HGS: variants seen among roughly 807,000 people sequenced by gnomAD.
HGS encodes the protein human growth factor-regulated tyrosine kinase substrate.
In HGS, 63 loss-of-function variants were observed where a neutral mutation model predicts 109.7. That is an observed-to-expected ratio of 0.57 (90% CI 0.47 to 0.71). The LOEUF (loss-of-function observed/expected upper bound fraction) is 0.71, where lower values mean the gene tolerates loss of function less well. Among genes scored for constraint, HGS ranks in the 30% least tolerant of loss-of-function variants. The pLI, the probability that HGS is intolerant of heterozygous loss-of-function variation, is 0.00. For synonymous variants in HGS, 546 were observed against 437.3 expected, an observed-to-expected ratio of 1.25 and a Z score of -3.10; for missense variants, 995 against 1,068.3, an observed-to-expected ratio of 0.93 and a Z score of 0.96.
At chr17:81,697,452 T>G in intron 18 of HGS, 1 of 150,016 alleles carries the variant, frequency 6.7e-6, no homozygotes. Context: ...CGGCAGACCG[T>G]CCTCAGCTCA....
At chr17:81,688,927 T>C in intron 5 of HGS, 100 bp downstream of exon 5, 1 of 1,500,162 alleles carries the variant, frequency 6.7e-7, no homozygotes. Context: ...GATGGGTTGT[T>C]CCCTGTGTTG....
chr17:81,699,685 A>C (rs1312988882), intron 18 of HGS, among the ~76,000 whole-genome samples: 1 of 151,988 alleles, frequency 6.6e-6, no homozygotes. Context: ...CGGCCTCCCA[A>C]AGTGCTGGGA....
rs764424793 is a variant in HGS at position 81,693,676 on chromosome 17, C to A, written c.764C>A (p.Thr255Lys). The A allele has an allele frequency of 6.4e-7, 1 of 1,554,036 alleles. No individual in the cohort carries two copies. Among genetic ancestry groups the A allele is most frequent in the Non-Finnish European group, 8.7e-7 (1 of 1,148,092 alleles). ...CAGCTGCCCCCCAAGAGGGACGAGACGGCCCTGCAGGAGGAGGAGGAGCTG... is the reference window on the plus strand; with the variant it reads ...CAGCTGCCCCCCAAGAGGGACGAGAAGGCCCTGCAGGAGGAGGAGGAGCTG... ...QSQLPPKRDE[T>K]ALQEEEELQL... The change falls in exon 10 of 22, where the codon ACG becomes AAG. Residue 255 changes from threonine (T) to lysine (K), a missense_variant. Physicochemically the swap from Thr to Lys is moderately conservative, Grantham distance 78 (BLOSUM62 -1). Coordinates refer to ENST00000329138, the MANE Select transcript of HGS (RefSeq NM_004712.5).
chr17:81,686,283 C>G (rs768586823), intron 2 of HGS, 29 bp from the exon 3 acceptor site: 1 of 1,593,244 alleles, frequency 6.3e-7, no homozygotes, highest in Non-Finnish European at 8.6e-7. Context: ...TCCCGTTTTT[C>G]TCTGCTTTTA....
At chr17:81,684,456 C>CG (rs1454354963) in intron 1 of HGS, 2 of 250,020 alleles carry the variant, frequency 8.0e-6, no homozygotes, top group Non-Finnish European at 1.5e-5. Flanking sequence ...GTGGGTGACT[C>CG]AGTCGGATGT....
Position 81,695,167 on chromosome 17 carries a change from C to T in HGS, c.1123C>T (p.Pro375Ser). 3.7e-6 allele frequency: 6 copies of T among 1,614,170 alleles called. No individual in the cohort carries two copies. The highest frequency in any genetic ancestry group is 1.1e-5 in the South Asian group (1 of 91,072). ...HAAPTNVVEN[P>S]LPETDSQPIP... ...CCACTCATTCTCTCTCTTCCAGAAC[C>T]CCCTCCCGGAGACAGACTCTCAGCC... The change falls in exon 14 of 22, where the codon CCC (proline) becomes TCC (serine). Residue 375 changes from proline (P) to serine (S), a missense_variant. Physicochemically the swap from Pro to Ser is moderately conservative, Grantham distance 74. Around this residue, in one of 6 missense-constraint regions of HGS, gnomAD observed 300 missense variants for 235.4 expected, o/e 1.27. Transcript: ENST00000329138.
intron 4 of HGS, among the ~76,000 whole-genome samples, chr17:81,687,619 C>T (rs966225924): frequency 2.0e-5 from 3 of 152,300 alleles, no homozygotes; most frequent in Admixed American, 6.5e-5. Flanking sequence ...GAGGAAAAGC[C>T]CTCCAGATCC....
rs924796385 is a variant in HGS, at chr17:81,694,830, C to T, written c.952C>T (p.Leu318=). 3 of 1,614,268 alleles carry T rather than the reference C, an allele frequency of 1.9e-6. No individual in the cohort carries two copies. Among genetic ancestry groups the T allele is most frequent in the African/African-American group, 1.3e-5 (1 of 75,070 alleles). ...YSSPVNSSAP[L]AEDIDPELAR... is the part of the protein sequence containing the mutation. ...TTCTCCCCAGAACTCGTCGGCGCCT[C>T]TGGCTGAGGACATCGACCCTGAGGT... The change falls in exon 12 of 22, where the codon CTG becomes TTG. Residue 318 remains leucine, a synonymous_variant. Transcript: ENST00000329138.
chr17:81,695,678 G>A, intron 14 of HGS, 108 bp from the exon 15 acceptor site: 4 of 963,152 alleles, frequency 4.2e-6, no homozygotes, highest in South Asian at 4.1e-5. Flanking sequence ...AGGAGCAGAT[G>A]GACTCTGCTC....
Position 81,695,185 on chromosome 17 carries a change from T to C in HGS, c.1141T>C (p.Ser381Pro). 1.2e-6 allele frequency: 2 copies of C among 1,614,150 alleles called. No individual in the cohort carries two copies. Among genetic ancestry groups the C allele is most frequent in the Non-Finnish European group, 1.7e-6 (2 of 1,179,990 alleles). ...CCAGAACCCCCTCCCGGAGACAGAC[T>C]CTCAGCCCATTCCTCCCTCTGGTGG... ...VVENPLPETD[S>P]QPIPPSGGPF... is the part of the protein sequence containing the mutation. Residue 381 changes from serine to proline, a missense_variant, in exon 14 of 22, where the codon TCT becomes CCT. By Grantham distance (74) the Ser-to-Pro change is moderately conservative. Coordinates refer to ENST00000329138, the MANE Select transcript of HGS (RefSeq NM_004712.5).
At chr17:81,688,578 G>C (rs1323145218) in intron 4 of HGS, 126 bp from the exon 5 acceptor site, 2 of 1,214,652 alleles carry the variant, frequency 1.6e-6, no homozygotes, top group Admixed American at 4.3e-5. Flanking sequence ...CACTCGGGGG[G>C]CCCTCCCTGG....
chr17:81,691,599 C>T lies in HGS; in HGVS notation c.662+28C>T. On this transcript the variant is annotated intron_variant, in intron 8 of 21. Coordinates refer to ENST00000329138, the MANE Select transcript of HGS (RefSeq NM_004712.5). This position sits in a 1 kb window ranked among gnomAD's most constrained non-coding sequence, Gnocchi z 5.3. The stretch of plus-strand genomic sequence containing the variant: ...GAGTCCCCGCCCCCCATTTGGGCTG[C>T]AGGTGGGGCAGGCTCTCCAGGCTGG... 3 of 1,613,034 alleles carry T rather than the reference C, an allele frequency of 1.9e-6. No individual in the cohort carries two copies. The highest frequency in any genetic ancestry group is 1.7e-5 in the Admixed American group (1 of 59,998).
intron 3 of HGS, 79 bp from the exon 4 acceptor site, chr17:81,686,924 G>T: frequency 8.6e-7 from 1 of 1,158,698 alleles, no homozygotes. Flanking sequence ...CTGTCCCACA[G>T]GGAGGTGGGT....
Position 81,695,809 on chromosome 17 carries a change from TGAG to T in HGS, c.1207_1209del (p.Glu403del). ...AGCCACAGTTCCACAATGGCGAGTC[TGAG>T]GAGAGCCACGAGCAGTTCCTGAAGG... On this transcript the variant is annotated inframe_deletion, in exon 15 of 22. Transcript: ENST00000329138. The T allele has an allele frequency of 1.9e-6, 3 of 1,613,468 alleles. No homozygotes were observed. The South Asian group carries it at 3.3e-5, about 18-fold the overall frequency.
chr17:81,694,873 G>T lies in HGS; in HGVS notation c.975+20G>T, dbSNP rs770636418. 1.2e-6 allele frequency: 2 copies of T among 1,614,196 alleles called. No individual in the cohort carries two copies. The highest frequency in any genetic ancestry group is 1.7e-6 in the Non-Finnish European group (2 of 1,179,990). On this transcript the variant is annotated intron_variant, in intron 12 of 21. Transcript: ENST00000329138. ...CCTGAGGTAAGGCCCAGCATGGGGT[G>T]CATCCTCTCACGGTTTCTGGCCTTG...
chr17:81,693,627 C>T (rs760773656), intron 9 of HGS, 27 bp from the exon 10 acceptor site: 5 of 1,546,880 alleles, frequency 3.2e-6, no homozygotes, highest in Non-Finnish European at 3.5e-6. Flanking sequence ...CCCGGCGCCC[C>T]CCCTCACCCT....
chr17:81,693,433 G>A, intron 8 of HGS, 70 bp from the exon 9 acceptor site: 1 of 1,161,254 alleles, frequency 8.6e-7, no homozygotes, highest in Non-Finnish European at 1.3e-6. Flanking sequence ...GCAGAGGTGT[G>A]GTTGAGAGCT....
intron 4 of HGS, among the ~76,000 whole-genome samples, chr17:81,688,223 GGCT>G (rs1208286684): frequency 1.3e-5 from 2 of 152,170 alleles, no homozygotes; most frequent in African/African-American, 2.4e-5. Flanking sequence ...GGGAGAGGAT[GGCT>G]GCAGGGGGTC....
rs757449821 is a variant in HGS, at chr17:81,696,320, C to A, written c.1394-37C>A. The stretch of plus-strand genomic sequence containing the variant: ...CACCCAGGAGCTTCTCGGCACTGTG[C>A]CGGAGTGGTCAGGGTTGCTCTGTCA... On this transcript the variant is annotated intron_variant, in intron 15 of 21. Coordinates refer to ENST00000329138, the MANE Select transcript of HGS (RefSeq NM_004712.5). The A allele has an allele frequency of 1.6e-5, 24 of 1,507,986 alleles. No homozygotes were observed. In the Admixed American group the frequency reaches 2.6e-4, roughly 17 times the overall value. The allele number at this position is 1,507,986 out of a possible 1,614,324, so 93.4% of individuals were successfully genotyped here.
Sources: gnomAD v4.1 joint callset for allele counts (sites outside exome capture counted in the v4.1 genomes callset) on GRCh38, gnomAD v4.1.1 for gene constraint, gnomAD v4.1.1 regional missense constraint, Gnocchi (gnomAD v3.1) non-coding constraint, MANE v1.5 for transcripts, NCBI Gene and HGNC (gene_info 2026-07-23, HGNC 2026-07-21) for gene names.